KCNQ5: variants seen among roughly 807,000 people sequenced by gnomAD.
The protein encoded by KCNQ5 is potassium voltage-gated channel subfamily KQT member 5.
In KCNQ5, 30 loss-of-function variants were observed where a neutral mutation model predicts 98.2. That is an observed-to-expected ratio of 0.31 (90% CI 0.23 to 0.41). The LOEUF is 0.41. Among genes scored for constraint, KCNQ5 ranks in the 10% least tolerant of loss-of-function variants. The probability of loss-of-function intolerance (pLI) is 1.00; values close to 1 mark genes in which losing one functional copy is unlikely to be tolerated. For missense variants in KCNQ5, 835 were observed against 1,182.5 expected, an observed-to-expected ratio of 0.71 and a Z score of 4.31; for synonymous variants, 458 against 449.4, an observed-to-expected ratio of 1.02 and a Z score of -0.24.
chr6:72,818,611 C>A (rs1426183736), intron 1 of KCNQ5, among the ~76,000 whole-genome samples: 1 of 151,298 alleles, frequency 6.6e-6, no homozygotes, highest in African/African-American at 2.4e-5. Context: ...TTTGATTTAT[C>A]TTTTACAGAA....
intron 3 of KCNQ5, among the ~76,000 whole-genome samples, chr6:73,074,558 C>G (rs1773437155): frequency 6.6e-6 from 1 of 152,128 alleles, no homozygotes; most frequent in African/African-American, 2.4e-5. Context: ...CTTTCTCTTA[C>G]TTTTCTAGGT....
intron 1 of KCNQ5, among the ~76,000 whole-genome samples, chr6:72,712,887 C>T (rs1423574108): frequency 6.6e-6 from 1 of 152,150 alleles, no homozygotes; most frequent in African/African-American, 2.4e-5. Flanking sequence ...CCTGTATATA[C>T]CTTCTAAAAA....
chr6:72,632,138 C>CTTTTTTTT (rs71540354), intron 1 of KCNQ5, among the ~76,000 whole-genome samples: 19 of 127,672 alleles, frequency 1.5e-4, no homozygotes, highest in East Asian at 4.5e-4. Flanking sequence ...TTCTTTCTTT[C>CTTTTTTTT]TTTTTTTTTT....
intron 1 of KCNQ5, among the ~76,000 whole-genome samples, chr6:72,772,828 G>C (rs1253579003): frequency 6.6e-6 from 1 of 152,142 alleles, no homozygotes; most frequent in African/African-American, 2.4e-5. Context: ...ATTGAGAAAT[G>C]TTCAACTACA....
At chr6:72,812,373 C>T (rs75379280) in intron 1 of KCNQ5, among the ~76,000 whole-genome samples, 2,591 of 152,246 alleles carry the variant, frequency 0.017, 75 homozygotes, top group African/African-American at 0.059. Flanking sequence ...CACTACAATG[C>T]GTGGGCCAGC....
intron 11 of KCNQ5, among the ~76,000 whole-genome samples, chr6:73,184,873 A>G (rs1214929456): frequency 6.6e-6 from 1 of 152,180 alleles, no homozygotes; most frequent in Non-Finnish European, 1.5e-5. Context: ...GAATGACTAG[A>G]GATGAGTATT....
At chr6:72,856,801 T>C (rs1334733468) in intron 1 of KCNQ5, among the ~76,000 whole-genome samples, 1 of 152,172 alleles carries the variant, frequency 6.6e-6, no homozygotes, top group Non-Finnish European at 1.5e-5. Context: ...GAGGTCCCCA[T>C]GTCCAGCAGA....
At chr6:72,640,802 G>C (rs2098926824) in intron 1 of KCNQ5, 1 of 152,114 alleles carries the variant, frequency 6.6e-6, no homozygotes, top group Admixed American at 6.6e-5. Flanking sequence ...GCCAGCATTG[G>C]TGGTCAATCC....
intron 1 of KCNQ5, among the ~76,000 whole-genome samples, chr6:72,955,165 C>A (rs981611954): frequency 1.3e-5 from 2 of 152,186 alleles, no homozygotes; most frequent in Non-Finnish European, 2.9e-5. Flanking sequence ...AATTTTTCAT[C>A]CCTTTATTTT....
At chr6:72,665,341 CA>C (rs57257881) in intron 1 of KCNQ5, among the ~76,000 whole-genome samples, 9,673 of 112,806 alleles carry the variant, frequency 0.086, 284 homozygotes, top group South Asian at 0.15. Flanking sequence ...AATACCCTGT[CA>C]AAAAAAAAAA....
intron 10 of KCNQ5, 198 bp downstream of exon 10, chr6:73,133,839 C>G: frequency 1.4e-6 from 1 of 712,740 alleles, no homozygotes; most frequent in South Asian, 1.5e-5. Flanking sequence ...TTGGAAACCA[C>G]TTTGGCAGCT....
rs574053377 is a variant in KCNQ5, at chr6:72,968,970, AC to A, written c.399-34936del. Among the ~76,000 whole-genome samples, 430 of 152,282 alleles carry A rather than the reference AC, an allele frequency of 2.8e-3. 3 individuals carry two copies. The highest frequency in any genetic ancestry group is 9.6e-3 in the African/African-American group (398 of 41,568). The stretch of plus-strand genomic sequence containing the variant: ...TCCAATTGGTATGTGATGACTTTAT[AC>A]CTGAAACTAAGGAGTTGAGGAATAA... On this transcript the variant is annotated intron_variant, in intron 1 of 13. Transcript: ENST00000370398.
chr6:72,976,283 G>A (rs528551500), intron 1 of KCNQ5, among the ~76,000 whole-genome samples: 14 of 152,004 alleles, frequency 9.2e-5, no homozygotes, highest in South Asian at 2.1e-4. Context: ...ACCTTTTTAC[G>A]GAAAAATGAT....
intron 1 of KCNQ5, among the ~76,000 whole-genome samples, chr6:72,788,525 G>C (rs1343295708): frequency 6.6e-6 from 1 of 152,122 alleles, no homozygotes; most frequent in East Asian, 1.9e-4. Flanking sequence ...GGCCTGAATT[G>C]TTTATAGTTA....
chr6:72,835,301 T>G (rs1776456804), intron 1 of KCNQ5, among the ~76,000 whole-genome samples: 1 of 152,186 alleles, frequency 6.6e-6, no homozygotes, highest in African/African-American at 2.4e-5. Flanking sequence ...AGAAGAAACC[T>G]ATTTACTCTT....
At chr6:72,710,678 T>A (rs1295591221) in intron 1 of KCNQ5, among the ~76,000 whole-genome samples, 1 of 152,100 alleles carries the variant, frequency 6.6e-6, no homozygotes. Flanking sequence ...CATTGGAGCA[T>A]CTAAATATGT....
intron 1 of KCNQ5, among the ~76,000 whole-genome samples, chr6:72,844,178 G>C (rs1034461871): frequency 6.6e-6 from 1 of 152,072 alleles, no homozygotes; most frequent in African/African-American, 2.4e-5. Flanking sequence ...AAAAAATTAA[G>C]CTAGTAACCA....
intron 3 of KCNQ5, among the ~76,000 whole-genome samples, chr6:73,063,900 A>G (rs753056409): frequency 1.2e-4 from 18 of 152,136 alleles, no homozygotes; most frequent in Non-Finnish European, 2.5e-4. Context: ...GGAAAAGTCT[A>G]TTTTCACACC....
intron 1 of KCNQ5, among the ~76,000 whole-genome samples, chr6:72,917,533 C>G (rs927562534): frequency 6.6e-6 from 1 of 151,562 alleles, no homozygotes; most frequent in Admixed American, 6.6e-5. Flanking sequence ...AGTGCAGTGG[C>G]ATGATCTCGG....
Sources: gnomAD v4.1 joint callset for allele counts (sites outside exome capture counted in the v4.1 genomes callset) on GRCh38, gnomAD v4.1.1 for gene constraint, MANE v1.5 for transcripts, NCBI Gene and HGNC (gene_info 2026-07-23, HGNC 2026-07-21) for gene names.